The following MECOM variants were observed in gnomAD, a reference collection of about 807,000 sequenced individuals.
The protein encoded by MECOM is histone-lysine N-methyltransferase MECOM.
Under a neutral mutation model 116.3 loss-of-function variants are expected in MECOM, and 13 were observed. That is an observed-to-expected ratio of 0.11 (90% CI 0.07 to 0.18). The LOEUF (loss-of-function observed/expected upper bound fraction) is 0.18. Ranked by LOEUF, MECOM falls within the 10% of genes least tolerant of loss-of-function variation. MECOM has a pLI of 1.00. For missense variants in MECOM, 1,299 were observed against 1,509.0 expected (o/e 0.86, Z 2.31); for synonymous variants, 528 against 535.2 (o/e 0.99, Z 0.19).
At chr3:169,356,483 G>C (rs1727298741) in intron 2 of MECOM, among the ~76,000 whole-genome samples, 2 of 151,822 alleles carry the variant, frequency 1.3e-5, no homozygotes, top group South Asian at 2.1e-4. Flanking sequence ...CTGTCTGTCT[G>C]GGGTACCGCG....
At chr3:169,466,233 G>C (rs1191644859) in intron 1 of MECOM, among the ~76,000 whole-genome samples, 1 of 152,184 alleles carries the variant, frequency 6.6e-6, no homozygotes, top group Non-Finnish European at 1.5e-5. Context: ...GACTTCAGCT[G>C]AATAAAGTGA....
intron 12 of MECOM, among the ~76,000 whole-genome samples, chr3:169,100,658 T>C (rs554934455): frequency 7.4e-4 from 112 of 152,262 alleles, no homozygotes; most frequent in African/African-American, 2.6e-3. Flanking sequence ...GCTAGAACTT[T>C]TAAACTGAGA....
intron 2 of MECOM, among the ~76,000 whole-genome samples, chr3:169,319,995 C>T (rs777694168): frequency 5.9e-5 from 9 of 152,276 alleles, no homozygotes; most frequent in Non-Finnish European, 5.9e-5. Context: ...AGAGGTCGTA[C>T]GGTGACTTTG....
chr3:169,656,718 C>T (rs1290842052), intron 1 of MECOM, among the ~76,000 whole-genome samples: 1 of 152,184 alleles, frequency 6.6e-6, no homozygotes, highest in East Asian at 1.9e-4. Flanking sequence ...ATGTTATGGG[C>T]TTTACCGTGT....
chr3:169,117,031 A>G (rs1729384950), intron 7 of MECOM, among the ~76,000 whole-genome samples: 1 of 152,206 alleles, frequency 6.6e-6, no homozygotes, highest in Non-Finnish European at 1.5e-5. Context: ...TTAAATATTT[A>G]TGAAAAGTTA....
At chr3:169,159,211 T>C (rs576220935) in intron 2 of MECOM, among the ~76,000 whole-genome samples, 1 of 152,346 alleles carries the variant, frequency 6.6e-6, no homozygotes, top group South Asian at 2.1e-4. Context: ...AGTCTGCTTC[T>C]AGTTATGTAA....
At chr3:169,425,840 T>C (rs1352523327) in intron 1 of MECOM, among the ~76,000 whole-genome samples, 1 of 152,122 alleles carries the variant, frequency 6.6e-6, no homozygotes, top group Non-Finnish European at 1.5e-5. Context: ...AAGAATAGTA[T>C]TCTACAACAT....
rs998731230 is a variant in MECOM, at chr3:169,286,813, G to A, written c.375+94374C>T. On this transcript the variant is annotated intron_variant, in intron 2 of 16. Coordinates refer to ENST00000651503, the MANE Select transcript of MECOM (RefSeq NM_004991.4). ...TGAGTCCTCAAAAGGGAGGTAGCCC[G>A]GCAATTCCAACGCCCCGAGAAGAAC... 3.3e-5 allele frequency among the ~76,000 whole-genome samples: 5 copies of A among 152,024 alleles called. No homozygotes were observed. In the East Asian group the frequency reaches 5.8e-4, roughly 18 times the overall value.
intron 1 of MECOM, among the ~76,000 whole-genome samples, chr3:169,403,701 A>G (rs953934458): frequency 2.6e-5 from 4 of 152,236 alleles, no homozygotes; most frequent in Admixed American, 2.6e-4. Context: ...CATTGAAAGT[A>G]AATAAAATAA....
intron 1 of MECOM, among the ~76,000 whole-genome samples, chr3:169,485,931 TA>T (rs202147004): frequency 0.12 from 4,626 of 37,486 alleles, 201 homozygotes; most frequent in South Asian, 0.17. Context: ...ATAGTATATA[TA>T]GTATATATGT....
chr3:169,103,139 AC>A (rs559904780), intron 10 of MECOM, among the ~76,000 whole-genome samples: 250 of 151,064 alleles, frequency 1.7e-3, no homozygotes, highest in African/African-American at 5.8e-3. Flanking sequence ...TTTTTTAAAA[AC>A]TTTTTGTAGA....
chr3:169,382,860 A>T (rs1244343513), intron 1 of MECOM, among the ~76,000 whole-genome samples: 2 of 86,402 alleles, frequency 2.3e-5, no homozygotes, highest in Non-Finnish European at 5.0e-5. Flanking sequence ...AAAAAAAAAA[A>T]AAAATAAAAA....
At chr3:169,382,221 G>T (rs1365471662) in intron 1 of MECOM, among the ~76,000 whole-genome samples, 1 of 152,154 alleles carries the variant, frequency 6.6e-6, no homozygotes, top group Non-Finnish European at 1.5e-5. Flanking sequence ...AGCGGGGAAA[G>T]GGAGAGGAAG....
chr3:169,544,369 G>A (rs1760460396), intron 1 of MECOM, among the ~76,000 whole-genome samples: 2 of 152,144 alleles, frequency 1.3e-5, no homozygotes, highest in South Asian at 4.1e-4. Flanking sequence ...ACTTCTTTGG[G>A]TATATACCCA....
intron 1 of MECOM, among the ~76,000 whole-genome samples, chr3:169,565,567 G>T (rs1763136629): frequency 6.6e-6 from 1 of 152,110 alleles, no homozygotes; most frequent in African/African-American, 2.4e-5. Flanking sequence ...TAAAAATACT[G>T]CCCAGCCATG....
chr3:169,453,752 G>T (rs2108681730), intron 1 of MECOM, among the ~76,000 whole-genome samples: 1 of 152,084 alleles, frequency 6.6e-6, no homozygotes, highest in East Asian at 1.9e-4. Context: ...CTGCTCCTAA[G>T]TGGTTTCACA....
chr3:169,338,151 C>T (rs78366387), intron 2 of MECOM, among the ~76,000 whole-genome samples: 2,302 of 152,252 alleles, frequency 0.015, 32 homozygotes, highest in East Asian at 0.073. Flanking sequence ...CCCTCAGGAT[C>T]GGAGGCTCTT....
chr3:169,259,825 G>C (rs936443915), intron 2 of MECOM, among the ~76,000 whole-genome samples: 1 of 152,238 alleles, frequency 6.6e-6, no homozygotes, highest in Non-Finnish European at 1.5e-5. Flanking sequence ...GCTGAAAGCA[G>C]GGTGATATGT....
At chr3:169,476,455 G>A (rs1750390565) in intron 1 of MECOM, among the ~76,000 whole-genome samples, 1 of 152,160 alleles carries the variant, frequency 6.6e-6, no homozygotes, top group Non-Finnish European at 1.5e-5. Flanking sequence ...ATAACGCTTT[G>A]ATAGATCCCT....
Sources: allele counts gnomAD v4.1 joint callset (sites outside exome capture counted in the v4.1 genomes callset), GRCh38; gene constraint gnomAD v4.1.1; transcripts MANE v1.5; gene names NCBI Gene and HGNC (gene_info 2026-07-23, HGNC 2026-07-21).